The following PIK3C2B variants were observed in gnomAD, a reference collection of about 807,000 sequenced individuals.
PIK3C2B encodes phosphatidylinositol-4-phosphate 3-kinase catalytic subunit type 2 beta.
PIK3C2B carries 83 observed loss-of-function variants against 184.3 expected under a neutral mutation model. The ratio of observed to expected loss-of-function variants is 0.45; its 90% CI spans 0.38 to 0.54. PIK3C2B has a LOEUF of 0.54. PIK3C2B is among the 20% of genes least tolerant of loss of function. The pLI is 0.00. For missense variants in PIK3C2B, 1,736 were observed against 2,113.5 expected (o/e 0.82, Z 3.50); for synonymous variants, 779 against 837.6 (o/e 0.93, Z 1.21).
At chr1:204,461,141 CA>C (rs1346005711) in intron 5 of PIK3C2B, among the ~76,000 whole-genome samples, 1 of 152,062 alleles carries the variant, frequency 6.6e-6, no homozygotes, top group Non-Finnish European at 1.5e-5. Context: ...GTGCTGAGGC[CA>C]AAAAAACTTG....
chr1:204,440,457 C>A, intron 21 of PIK3C2B, 136 bp from the exon 22 acceptor site: 1 of 810,284 alleles, frequency 1.2e-6, no homozygotes. Context: ...CCTGCTCACT[C>A]AGCTCACACC....
At position 204,464,542 on chromosome 1, in the gene PIK3C2B, G is replaced by A. The variant is rs765845005; in HGVS notation, c.1097C>T (p.Thr366Ile). Residue 366 changes from threonine (T) to isoleucine (I), a missense_variant, in exon 4 of 33, where the codon ACC becomes ATC. By Grantham distance (89) the Thr-to-Ile change is moderately conservative. This residue lies in a region of PIK3C2B where 609 missense variants were observed against 699.2 expected (regional missense o/e 0.87). Coordinates refer to ENST00000684373, the MANE Select transcript of PIK3C2B (RefSeq NM_001377334.1). Reference sequence around the variant, plus strand: ...ATCCCCGAGGTGCTCTGGGCTAGGGGTGACAGCACTCCAGACATAGCCAGT... The same window carrying A: ...ATCCCCGAGGTGCTCTGGGCTAGGGATGACAGCACTCCAGACATAGCCAGT... ...FLTGYVWSAVTPSPEHLGDEV... is the reference protein window; with the variant it reads ...FLTGYVWSAVIPSPEHLGDEV... 7.4e-6 allele frequency: 12 copies of A among 1,614,008 alleles called. No homozygotes were observed. Among genetic ancestry groups the A allele is most frequent in the Admixed American group, 1.7e-5 (1 of 60,028 alleles).
chr1:204,432,491 T>A, intron 26 of PIK3C2B, 90 bp from the exon 27 acceptor site: 1 of 957,386 alleles, frequency 1.0e-6, no homozygotes, highest in Non-Finnish European at 1.6e-6. Context: ...TCCTGACTCC[T>A]GAGACTAACA....
chr1:204,424,075 C>G lies in PIK3C2B; in HGVS notation c.*777G>C, dbSNP rs1235643786. 1.3e-5 allele frequency: 2 copies of G among 152,702 alleles called. No homozygotes were observed. Among genetic ancestry groups the G allele is most frequent in the African/African-American group, 4.8e-5 (2 of 41,382 alleles). The allele number at this position is 152,702 out of a possible 1,614,324, so 9.5% of individuals were successfully genotyped here. ...AGTAGGGAAGACAAGAGGAAAAGTC[C>G]CCCCAAAAGAGCATGGGTCCCTGAA... is the stretch of plus-strand genomic sequence containing the variant. On this transcript the variant is annotated 3_prime_UTR_variant, in exon 33 of 33. Transcript: ENST00000684373.
chr1:204,443,460 T>C lies in PIK3C2B; in HGVS notation c.3005A>G (p.Lys1002Arg), dbSNP rs41302549. The part of the protein sequence containing the change: ...RQCWLVNALA[K>R]LAQQVREAAP... ...TGCCTCCCGGACCTGCTGGGCCAGT[T>C]TGGCCAGGGCATTGACAAGCCAGCA... The change falls in exon 19 of 33, where the codon AAA (lysine) becomes AGA (arginine). Residue 1002 changes from lysine (K) to arginine (R), a missense_variant. By Grantham distance (26) the Lys-to-Arg change is conservative (BLOSUM62 2). This residue lies in a region of PIK3C2B where 289 missense variants were observed against 380.4 expected (regional missense o/e 0.76). Transcript: ENST00000684373. 5.3e-3 allele frequency: 8,590 copies of C among 1,614,198 alleles called. 36 individuals carry two copies. The highest frequency in any genetic ancestry group is 6.8e-3 in the Non-Finnish European group (8,070 of 1,180,038).
In PIK3C2B at chr1:204,445,924, CAT is replaced by C. The variant is rs759318329; in HGVS notation, c.2678+30_2678+31del. Reference sequence around the variant, plus strand: ...TCGTGCCCTGGCTTCTACAAGAACACATAGTCAGAAAAGGCAGATGTTACAAC... The same window carrying C: ...TCGTGCCCTGGCTTCTACAAGAACACAGTCAGAAAAGGCAGATGTTACAAC... On this transcript the variant is annotated intron_variant, in intron 16 of 32. Coordinates refer to ENST00000684373, the MANE Select transcript of PIK3C2B (RefSeq NM_001377334.1). The C allele has an allele frequency of 4.2e-6, 6 of 1,444,480 alleles. No homozygotes were observed. In the South Asian group the frequency reaches 4.5e-5, roughly 11 times the overall value. The allele number at this position is 1,444,480 out of a possible 1,614,324, so 89.5% of individuals were successfully genotyped here.
Position 204,424,761 on chromosome 1 carries a change from G to T in PIK3C2B, c.*91C>A. ...GAGCTGGAGGCCTGCCCAGGGCCCTGGCCCTTCACAAGGAGGAGTCTCACA... is the reference window on the plus strand; with the variant it reads ...GAGCTGGAGGCCTGCCCAGGGCCCTTGCCCTTCACAAGGAGGAGTCTCACA... On this transcript the variant is annotated 3_prime_UTR_variant, in exon 33 of 33. Transcript: ENST00000684373. The T allele has an allele frequency of 7.5e-7, 1 of 1,331,418 alleles. No homozygotes were observed. Among genetic ancestry groups the T allele is most frequent in the Non-Finnish European group, 1.1e-6 (1 of 924,654 alleles). 82.5% of individuals were successfully genotyped at this position (1,331,418 alleles called of 1,614,324 possible). A position where few individuals can be genotyped will look rare whatever the true frequency, so the allele number is the denominator to read the frequency against.
rs970446847 is a variant in PIK3C2B at position 204,450,346 on chromosome 1, C to A, written c.2067-329G>T. On this transcript the variant is annotated intron_variant, in intron 12 of 32. Coordinates refer to ENST00000684373, the MANE Select transcript of PIK3C2B (RefSeq NM_001377334.1). Reference sequence around the variant, plus strand: ...TCGGAGTTCAGGTGATGACACGTCCCATGTTGTCAGCCTTGCTCCTTTCCT... The same window carrying A: ...TCGGAGTTCAGGTGATGACACGTCCAATGTTGTCAGCCTTGCTCCTTTCCT... Among the ~76,000 whole-genome samples, 5 of 152,284 alleles carry A rather than the reference C, an allele frequency of 3.3e-5. No homozygotes were observed. In the South Asian group the frequency reaches 1.0e-3, roughly 32 times the overall value.
At chr1:204,439,459 CTTGG>C (rs1285334704) in intron 22 of PIK3C2B, among the ~76,000 whole-genome samples, 1 of 152,172 alleles carries the variant, frequency 6.6e-6, no homozygotes, top group Non-Finnish European at 1.5e-5. Context: ...TCCCTGCCAC[CTTGG>C]TTGGAGTATT....
chr1:204,481,552 G>A (rs561996446), intron 1 of PIK3C2B, among the ~76,000 whole-genome samples: 98 of 152,192 alleles, frequency 6.4e-4, no homozygotes, highest in African/African-American at 2.3e-3. Flanking sequence ...CCACCACGCC[G>A]AGGTCACATT....
chr1:204,466,333 A>C (rs1423244238), intron 2 of PIK3C2B, among the ~76,000 whole-genome samples: 3 of 152,198 alleles, frequency 2.0e-5, no homozygotes, highest in African/African-American at 7.2e-5. Context: ...AACGCCTCAC[A>C]TCTCTCACCC....
chr1:204,428,090 G>A (rs1674843948), intron 30 of PIK3C2B, 49 bp downstream of exon 30: 2 of 1,063,414 alleles, frequency 1.9e-6, no homozygotes, highest in African/African-American at 1.5e-5. Flanking sequence ...AGTTACCCTT[G>A]GGGTAGTTCA....
chr1:204,461,560 AG>A (rs61761713), intron 5 of PIK3C2B, among the ~76,000 whole-genome samples: 170 of 152,274 alleles, frequency 1.1e-3, no homozygotes, highest in Non-Finnish European at 1.8e-3. Flanking sequence ...CAGGAGCATA[AG>A]GGGGGCAGTA....
rs61760618 is a variant in PIK3C2B, at chr1:204,469,884, C to A, written c.-82G>T. Reference sequence around the variant, plus strand: ...GGAGGGTTGTGACATGGTGTCTGGGCGCCTGCAGGTGAGGGGTAAAAATAT... The same window carrying A: ...GGAGGGTTGTGACATGGTGTCTGGGAGCCTGCAGGTGAGGGGTAAAAATAT... On this transcript the variant is annotated splice_region_variant and 5_prime_UTR_variant, in exon 2 of 33. Coordinates refer to ENST00000684373, the MANE Select transcript of PIK3C2B (RefSeq NM_001377334.1). The A allele has an allele frequency of 1.1e-4, 91 of 840,678 alleles. No homozygotes were observed. The highest frequency in any genetic ancestry group is 4.8e-4 in the Admixed American group (22 of 45,558). 52.1% of individuals were successfully genotyped at this position (840,678 alleles called of 1,614,324 possible).
intron 14 of PIK3C2B, among the ~76,000 whole-genome samples, chr1:204,448,044 T>A (rs1029513305): frequency 6.6e-6 from 1 of 152,214 alleles, no homozygotes; most frequent in African/African-American, 2.4e-5. Context: ...TACTAAAGTA[T>A]CAGAGCTGAG....
At chr1:204,457,607 G>A in intron 9 of PIK3C2B, 121 bp downstream of exon 9, 1 of 880,278 alleles carries the variant, frequency 1.1e-6, no homozygotes, top group South Asian at 2.1e-5. Context: ...CATAAAAGAT[G>A]GAGGTGGAGA....
At chr1:204,472,709 G>C (rs539193568) in intron 1 of PIK3C2B, among the ~76,000 whole-genome samples, 2 of 152,254 alleles carry the variant, frequency 1.3e-5, no homozygotes, top group African/African-American at 4.8e-5. Flanking sequence ...GAACCCGGGA[G>C]GCGGAGGTTG....
intron 1 of PIK3C2B, among the ~76,000 whole-genome samples, chr1:204,475,401 T>C (rs1051828127): frequency 2.0e-5 from 3 of 152,202 alleles, no homozygotes; most frequent in Non-Finnish European, 4.4e-5. Context: ...TATGGATCCA[T>C]CACCCCTACT....
chr1:204,482,740 C>T (rs1435659366), intron 1 of PIK3C2B, among the ~76,000 whole-genome samples: 5 of 151,616 alleles, frequency 3.3e-5, no homozygotes, highest in South Asian at 2.1e-4. Context: ...GCCGAGATCG[C>T]GCCACTGCAC....
Sources: gnomAD v4.1 joint callset for allele counts (sites outside exome capture counted in the v4.1 genomes callset) on GRCh38, gnomAD v4.1.1 for gene constraint, gnomAD v4.1.1 regional missense constraint, MANE v1.5 for transcripts, NCBI Gene and HGNC (gene_info 2026-07-23, HGNC 2026-07-21) for gene names.